Variants in MAT2B observed in about 807,000 individuals in gnomAD.
The protein encoded by MAT2B is methionine adenosyltransferase 2 non-catalytic beta subunit.
A neutral mutation model predicts 36.1 loss-of-function variants in MAT2B; 16 were observed. The observed-to-expected ratio is 0.44, with a 90% confidence interval of 0.30 to 0.67. MAT2B has a LOEUF of 0.67. Ranked by LOEUF, MAT2B falls within the 30% of genes least tolerant of loss-of-function variation. The probability of loss-of-function intolerance (pLI) is 0.09; values close to 1 mark genes in which losing one functional copy is unlikely to be tolerated. For missense variants in MAT2B, 332 were observed against 398.2 expected (o/e 0.83, Z 1.42); for synonymous variants, 148 against 136.9 (o/e 1.08, Z -0.57).
chr5:163,514,308 A>G (rs1251224622), intron 4 of MAT2B, among the ~76,000 whole-genome samples: 1 of 151,940 alleles, frequency 6.6e-6, no homozygotes, highest in Non-Finnish European at 1.5e-5. Context: ...TATTCTGTTT[A>G]TGTATTCTGT....
At chr5:163,513,800 TGTC>T (rs772273855) in intron 3 of MAT2B, 39 bp from the exon 4 acceptor site, 104 of 1,572,416 alleles carry the variant, frequency 6.6e-5, no homozygotes, top group Non-Finnish European at 8.8e-5. Flanking sequence ...GAAAGAGTAA[TGTC>T]ATGTAAACAT....
intron 4 of MAT2B, among the ~76,000 whole-genome samples, chr5:163,515,135 A>G (rs893139652): frequency 6.6e-6 from 1 of 152,320 alleles, no homozygotes; most frequent in South Asian, 2.1e-4. Context: ...CCCACCTCCC[A>G]GCACTGTTGC....
chr5:163,503,379 A>G (rs1474548182), upstream of MAT2B: 1 of 1,613,788 alleles, frequency 6.2e-7, no homozygotes, highest in African/African-American at 1.3e-5. Flanking sequence ...TGCTCTCCTG[A>G]AATAATTCTG....
At chr5:163,509,640 C>G (rs749242615) in intron 1 of MAT2B, among the ~76,000 whole-genome samples, 1 of 152,156 alleles carries the variant, frequency 6.6e-6, no homozygotes, top group South Asian at 2.1e-4. Context: ...CAGAAGAAAC[C>G]AAATTATCTC....
In MAT2B at chr5:163,513,997, A is replaced by G. The variant is rs1561657555; in HGVS notation, c.526+3A>G. ...GGCTGTCCTGGAGAACAATCTAGGT[A>G]AGACCTAATCTATTTAGCCCCTGAT... On this transcript the variant is annotated splice_donor_region_variant and intron_variant, in intron 4 of 6. Coordinates refer to ENST00000321757, the MANE Select transcript of MAT2B (RefSeq NM_013283.5). 1.2e-6 allele frequency: 2 copies of G among 1,611,052 alleles called. No homozygotes were observed. The highest frequency in any genetic ancestry group is 1.7e-6 in the Non-Finnish European group (2 of 1,178,822).
intron 4 of MAT2B, among the ~76,000 whole-genome samples, chr5:163,515,780 T>TC (rs1561658072): frequency 1.8e-4 from 24 of 132,992 alleles, no homozygotes; most frequent in Admixed American, 5.5e-4. Flanking sequence ...CTTTTTTTTT[T>TC]TTTTTTTTTT....
In MAT2B at chr5:163,513,635, T is replaced by A; in HGVS notation, c.339T>A (p.Asn113Lys). 1 of 1,613,884 alleles carries A rather than the reference T, an allele frequency of 6.2e-7. No individual in the cohort carries two copies. The highest frequency in any genetic ancestry group is 2.2e-5 in the East Asian group (1 of 44,836). ...ENQPDAASQLNVDASGNLAKE... is the reference protein window; with the variant it reads ...ENQPDAASQLKVDASGNLAKE... ...AGCCAGATGCTGCCTCTCAACTTAA[T>A]GTGGATGCTTCTGGGAATTTAGCAA... The change falls in exon 3 of 7, where the codon AAT becomes AAA. Residue 113 changes from asparagine (N) to lysine (K), a missense_variant. By Grantham distance (94) the Asn-to-Lys change is moderately conservative. Coordinates refer to ENST00000321757, the MANE Select transcript of MAT2B (RefSeq NM_013283.5).
chr5:163,519,176 C>T lies in MAT2B; in HGVS notation c.*813C>T, dbSNP rs1280403418. 2 of 151,952 alleles carry T rather than the reference C, an allele frequency of 1.3e-5. No individual in the cohort carries two copies. Among genetic ancestry groups the T allele is most frequent in the Non-Finnish European group, 2.9e-5 (2 of 67,970 alleles). The allele number at this position is 151,952 out of a possible 1,614,324, so 9.4% of individuals were successfully genotyped here. A position where few individuals can be genotyped will look rare whatever the true frequency, so the allele number is the denominator to read the frequency against. On this transcript the variant is annotated 3_prime_UTR_variant, in exon 7 of 7. Coordinates refer to ENST00000321757, the MANE Select transcript of MAT2B (RefSeq NM_013283.5). ...ATGCTTAGTTTTCTTGTATTTACTT[C>T]TTTTTTTAAATGTAAGGACCAAACT... is the stretch of plus-strand genomic sequence containing the variant.
In MAT2B at chr5:163,517,596, C is replaced by G; in HGVS notation, c.756C>G (p.Gly252=). ...TTAAGGGAACCTTTCACTGGTCTGG[C>G]AATGAACAGATGACTAAGTATGAAA... The part of the protein sequence containing the change: ...PSIKGTFHWS[G]NEQMTKYEMA... Residue 252 remains glycine (G), a synonymous_variant, in exon 6 of 7, where the codon GGC becomes GGG. Transcript: ENST00000321757. The G allele has an allele frequency of 6.2e-7, 1 of 1,613,292 alleles. No homozygotes were observed. The highest frequency in any genetic ancestry group is 1.7e-4 in the Middle Eastern group (1 of 6,060).
rs770266247 is a variant in MAT2B, at chr5:163,511,986, C to T, written c.64-16C>T. On this transcript the variant is annotated splice_polypyrimidine_tract_variant and intron_variant, in intron 1 of 6. Transcript: ENST00000321757. ...TTCAAAGTTAGTAACTCTTTCTATC[C>T]GCCTTCACCTTTTAGGAGGAAGTTA... The T allele has an allele frequency of 1.9e-5, 30 of 1,592,062 alleles. No homozygotes were observed. The highest frequency in any genetic ancestry group is 1.5e-4 in the Admixed American group (9 of 58,080).
chr5:163,513,494 A>G (rs1287332955), intron 2 of MAT2B, 61 bp from the exon 3 acceptor site: 11 of 871,158 alleles, frequency 1.3e-5, no homozygotes, highest in Non-Finnish European at 2.1e-5. Context: ...AACTTTAAGA[A>G]GGCTGTAATA....
chr5:163,515,726 T>G (rs1305037196), intron 4 of MAT2B, among the ~76,000 whole-genome samples: 1 of 149,536 alleles, frequency 6.7e-6, no homozygotes, highest in East Asian at 2.0e-4. Flanking sequence ...AAAAAACTAG[T>G]CCAAATGACA....
At chr5:163,503,975 CAG>C (rs1271035186), upstream of MAT2B, among the ~76,000 whole-genome samples, 16 of 152,204 alleles carry the variant, frequency 1.1e-4, no homozygotes, top group African/African-American at 3.6e-4. Flanking sequence ...AGTATCAAGT[CAG>C]ATTTTCAAAA....
chr5:163,514,319 TATATG>T (rs1467158866), intron 4 of MAT2B, among the ~76,000 whole-genome samples: 1 of 152,198 alleles, frequency 6.6e-6, no homozygotes, highest in Non-Finnish European at 1.5e-5. Flanking sequence ...TGTATTCTGT[TATATG>T]TATGTTACTG....
At chr5:163,505,788 G>A (rs1360585554) in intron 1 of MAT2B, 39 bp downstream of exon 1, 13 of 1,248,238 alleles carry the variant, frequency 1.0e-5, no homozygotes, top group Non-Finnish European at 1.2e-5. Context: ...TGGGAGCGGG[G>A]GCGCCGAGGG....
In MAT2B at chr5:163,518,884, T is replaced by C. The variant is rs1378167164; in HGVS notation, c.*521T>C. The C allele has an allele frequency of 6.5e-6, 1 of 152,710 alleles. No homozygotes were observed. The highest frequency in any genetic ancestry group is 6.5e-5 in the Admixed American group (1 of 15,288). The allele number at this position is 152,710 out of a possible 1,614,324, so 9.5% of individuals were successfully genotyped here. A position where few individuals can be genotyped will look rare whatever the true frequency, so the allele number is the denominator to read the frequency against. On this transcript the variant is annotated 3_prime_UTR_variant, in exon 7 of 7. Transcript: ENST00000321757. Reference sequence around the variant, plus strand: ...ATGCTTGAGATATTTCAACATGTTATGTATATTGGAACTTCTACAGCTTGA... The same window carrying C: ...ATGCTTGAGATATTTCAACATGTTACGTATATTGGAACTTCTACAGCTTGA...
At position 163,515,770 on chromosome 5, in the gene MAT2B, C is replaced by CTTTTTT. The variant is rs66978639; in HGVS notation, c.527-727_527-722dup. On this transcript the variant is annotated intron_variant, in intron 4 of 6. Transcript: ENST00000321757. ...TTAACAAATGTGGTTTTGCCTTTTT[C>CTTTTTT]TTTTTTTTTTTTTTTTTTTTTTTTT... Among the ~76,000 whole-genome samples the CTTTTTT allele has an allele frequency of 3.6e-3, 251 of 69,800 alleles. 23 individuals carry two copies. Among genetic ancestry groups the CTTTTTT allele is most frequent in the East Asian group, 0.013 (32 of 2,474 alleles). 45.8% of individuals were successfully genotyped at this position (69,800 alleles called of 152,430 possible).
intron 2 of MAT2B, chr5:163,512,446 T>A (rs1377564718): frequency 1.9e-6 from 1 of 517,460 alleles, no homozygotes; most frequent in African/African-American, 1.9e-5. Context: ...TTCTAAGTAA[T>A]ACTTTCTCTG....
chr5:163,513,606 A>C lies in MAT2B; in HGVS notation c.310A>C (p.Asn104His), dbSNP rs1465052210. ...AAERRPDVVE[N>H]QPDAASQLNV... ...AGAGAGAAGACCAGATGTTGTAGAA[A>C]ATCAGCCAGATGCTGCCTCTCAACT... Residue 104 changes from asparagine (N) to histidine (H), a missense_variant, in exon 3 of 7, where the codon AAT becomes CAT. Transcript: ENST00000321757. 1.2e-6 allele frequency: 2 copies of C among 1,613,892 alleles called. No individual in the cohort carries two copies. Among genetic ancestry groups the C allele is most frequent in the African/African-American group, 2.7e-5 (2 of 74,924 alleles).
Sources: allele counts gnomAD v4.1 joint callset (sites outside exome capture counted in the v4.1 genomes callset), GRCh38; gene constraint gnomAD v4.1.1; transcripts MANE v1.5; gene names NCBI Gene and HGNC (gene_info 2026-07-23, HGNC 2026-07-21).